The following TTLL5 variants were observed in gnomAD, a reference collection of about 807,000 sequenced individuals.
TTLL5 encodes tubulin tyrosine ligase like 5.
TTLL5 carries 132 observed loss-of-function variants against 168.4 expected under a neutral mutation model. The observed-to-expected ratio is 0.78, with a 90% CI of 0.68 to 0.91. The LOEUF is 0.91. Among genes scored for constraint, TTLL5 ranks in the 40% least tolerant of loss-of-function variants. The probability of loss-of-function intolerance (pLI) is 0.00; values close to 1 mark genes in which losing one functional copy is unlikely to be tolerated. For synonymous variants in TTLL5, 546 were observed against 558.6 expected, an observed-to-expected ratio of 0.98 and a Z score of 0.32; for missense variants, 1,545 against 1,581.5, an observed-to-expected ratio of 0.98 and a Z score of 0.39.
At chr14:75,682,599 G>GT (rs1328992595) in intron 4 of TTLL5, among the ~76,000 whole-genome samples, 1 of 152,086 alleles carries the variant, frequency 6.6e-6, no homozygotes, top group African/African-American at 2.4e-5. Flanking sequence ...AAACCATGGA[G>GT]TAAGTCATTC....
chr14:75,731,594 G>A (rs1330075061), intron 12 of TTLL5, among the ~76,000 whole-genome samples: 1 of 152,142 alleles, frequency 6.6e-6, no homozygotes, highest in African/African-American at 2.4e-5. Context: ...TAGAGAAAGA[G>A]AATCAATACA....
chr14:75,692,940 A>G (rs542973388), intron 6 of TTLL5, among the ~76,000 whole-genome samples: 35 of 152,242 alleles, frequency 2.3e-4, no homozygotes, highest in African/African-American at 7.2e-4. Context: ...AAGCTGCAGT[A>G]TGGAGATGGG....
At chr14:75,774,704 T>C (rs1001293378) in intron 21 of TTLL5, among the ~76,000 whole-genome samples, 7 of 152,126 alleles carry the variant, frequency 4.6e-5, no homozygotes, top group Non-Finnish European at 7.3e-5. Context: ...TTTTTTCTTT[T>C]TTGAAATGGA....
chr14:75,761,994 G>A (rs998495502), intron 18 of TTLL5, among the ~76,000 whole-genome samples: 5 of 152,094 alleles, frequency 3.3e-5, no homozygotes, highest in African/African-American at 9.7e-5. Context: ...GGATATATAC[G>A]TGACGAAACA....
chr14:75,820,371 G>A (rs1268665052), intron 28 of TTLL5, among the ~76,000 whole-genome samples: 2 of 152,168 alleles, frequency 1.3e-5, no homozygotes, highest in African/African-American at 2.4e-5. Context: ...GGACATTTCT[G>A]AGATAGTTAA....
At chr14:75,944,247 G>A (rs972268531) in intron 31 of TTLL5, among the ~76,000 whole-genome samples, 5 of 152,106 alleles carry the variant, frequency 3.3e-5, no homozygotes, top group East Asian at 3.8e-4. Flanking sequence ...ACCTTCCGCC[G>A]GTAACATACT....
At chr14:75,730,921 T>C (rs965539785) in intron 12 of TTLL5, among the ~76,000 whole-genome samples, 3 of 152,132 alleles carry the variant, frequency 2.0e-5, no homozygotes, top group Non-Finnish European at 4.4e-5. Flanking sequence ...GGTTTCACCA[T>C]GTTGGCCAGG....
chr14:75,918,355 A>G (rs1335950317), intron 31 of TTLL5, among the ~76,000 whole-genome samples: 2 of 152,134 alleles, frequency 1.3e-5, no homozygotes, highest in Non-Finnish European at 2.9e-5. Context: ...ACTGGTTTCA[A>G]TCACAGCACA....
At chr14:75,729,485 C>T (rs1251956595) in intron 12 of TTLL5, among the ~76,000 whole-genome samples, 1 of 152,092 alleles carries the variant, frequency 6.6e-6, no homozygotes, top group Non-Finnish European at 1.5e-5. Context: ...TAGTTGCCTG[C>T]CAAGGACCCA....
chr14:75,684,597 T>A (rs899146964), intron 5 of TTLL5: 2 of 152,220 alleles, frequency 1.3e-5, no homozygotes, highest in African/African-American at 4.8e-5. Flanking sequence ...GGTGTTTGGA[T>A]GAATTGTATA....
intron 12 of TTLL5, among the ~76,000 whole-genome samples, chr14:75,725,997 A>G (rs1212714872): frequency 1.3e-5 from 2 of 152,212 alleles, no homozygotes; most frequent in East Asian, 1.9e-4. Context: ...CAAGGTAAAA[A>G]GAATTTCCTT....
chr14:75,709,183 T>C (rs761799643), intron 9 of TTLL5: 4 of 761,550 alleles, frequency 5.3e-6, no homozygotes. Flanking sequence ...TTTTAGAAAA[T>C]GCAATTGGAA....
intron 31 of TTLL5, among the ~76,000 whole-genome samples, chr14:75,928,304 A>G (rs1286147383): frequency 1.4e-5 from 2 of 139,406 alleles, no homozygotes; most frequent in African/African-American, 5.3e-5. Context: ...TTATTAAATT[A>G]TGGCACAGCT....
intron 13 of TTLL5, 120 bp downstream of exon 13, chr14:75,732,539 AG>A: frequency 1.3e-6 from 1 of 783,594 alleles, no homozygotes; most frequent in Non-Finnish European, 2.1e-6. Context: ...TATTAGGTGG[AG>A]ATAACCAGAC....
chr14:75,838,573 A>AT (rs1171488240), intron 28 of TTLL5: 3 of 151,744 alleles, frequency 2.0e-5, no homozygotes, highest in African/African-American at 7.3e-5. Context: ...AAAAAAAAAA[A>AT]ACAAAAAGAT....
intron 29 of TTLL5, among the ~76,000 whole-genome samples, chr14:75,870,804 T>TC (rs1028078455): frequency 2.6e-5 from 4 of 151,672 alleles, no homozygotes; most frequent in African/African-American, 9.7e-5. Flanking sequence ...TTGGTTTTTT[T>TC]TTTTTTTTTG....
chr14:75,946,288 T>C lies in TTLL5; in HGVS notation c.3824-8136T>C, dbSNP rs73309384. Among the ~76,000 whole-genome samples the C allele has an allele frequency of 4.3e-3, 656 of 152,318 alleles. 6 individuals carry two copies. Among genetic ancestry groups the C allele is most frequent in the African/African-American group, 0.015 (615 of 41,566 alleles). ...ATTAAAGTCATTTAAGTTCATACTG[T>C]ACAGTGAAAAGGTAAAGTTATTGAT... On this transcript the variant is annotated intron_variant, in intron 31 of 31. Transcript: ENST00000298832.
At chr14:75,738,427 A>G (rs543297657) in intron 15 of TTLL5, among the ~76,000 whole-genome samples, 10 of 152,276 alleles carry the variant, frequency 6.6e-5, no homozygotes, top group South Asian at 2.1e-4. Context: ...TTGACATGTA[A>G]CTTTTCTTAG....
chr14:75,865,585 A>G (rs2030454491), intron 29 of TTLL5, among the ~76,000 whole-genome samples: 1 of 152,178 alleles, frequency 6.6e-6, no homozygotes, highest in Non-Finnish European at 1.5e-5. Flanking sequence ...TACCTTTTAA[A>G]CTATGCTTCA....
Sources: allele counts gnomAD v4.1 joint callset (sites outside exome capture counted in the v4.1 genomes callset), GRCh38; gene constraint gnomAD v4.1.1; transcripts MANE v1.5; gene names NCBI Gene and HGNC (gene_info 2026-07-23, HGNC 2026-07-21).